The following DAB1 variants were observed in gnomAD, a reference collection of about 807,000 sequenced individuals.
DAB1 encodes the protein DAB adaptor protein 1, also known as disabled homolog 1.
In DAB1, 15 loss-of-function variants were observed where a neutral mutation model predicts 64.6. That is an observed-to-expected ratio of 0.23 (90% CI 0.16 to 0.36). DAB1 has a LOEUF of 0.36. Among genes scored for constraint, DAB1 ranks in the 10% least tolerant of loss-of-function variants. The pLI is 1.00. For missense variants in DAB1, 596 were observed against 706.7 expected, an observed-to-expected ratio of 0.84 and a Z score of 1.78; for synonymous variants, 235 against 251.9, an observed-to-expected ratio of 0.93 and a Z score of 0.64.
At chr1:58,420,358 C>T (rs1311251103) in intron 3 of DAB1, among the ~76,000 whole-genome samples, 1 of 152,180 alleles carries the variant, frequency 6.6e-6, no homozygotes, top group Admixed American at 6.5e-5. Flanking sequence ...AAAGATCTCC[C>T]AACCCAGACC....
intron 6 of DAB1, among the ~76,000 whole-genome samples, chr1:57,704,550 A>G (rs1449423174): frequency 1.3e-5 from 2 of 152,230 alleles, no homozygotes; most frequent in African/African-American, 4.8e-5. Flanking sequence ...GAACCTGGAT[A>G]GCTTCCATTT....
intron 1 of DAB1, among the ~76,000 whole-genome samples, chr1:57,856,150 G>C (rs563628010): frequency 2.0e-5 from 3 of 152,202 alleles, no homozygotes; most frequent in African/African-American, 7.2e-5. Context: ...CCCCTGGAGA[G>C]CCTAGAAAAG....
At chr1:58,413,386 G>T (rs1184686551) in intron 3 of DAB1, among the ~76,000 whole-genome samples, 1 of 152,160 alleles carries the variant, frequency 6.6e-6, no homozygotes. Context: ...TTTCTGACCA[G>T]AGAGAAACTG....
At chr1:57,280,673 C>A in intron 2 of DAB1, among the ~76,000 whole-genome samples, 1 of 152,290 alleles carries the variant, frequency 6.6e-6, no homozygotes. Context: ...GCTCTTACTA[C>A]CAATATGGCC....
chr1:57,028,783 T>G (rs1281492715), intron 9 of DAB1, among the ~76,000 whole-genome samples: 1 of 152,118 alleles, frequency 6.6e-6, no homozygotes, highest in East Asian at 1.9e-4. Flanking sequence ...TTGAGAGAGA[T>G]AATTTAGGGT....
rs188477821 is a variant in DAB1 at position 57,318,583 on chromosome 1, C to T, written c.-136-27417G>A. Among the ~76,000 whole-genome samples, 924 of 152,206 alleles carry T rather than the reference C, an allele frequency of 6.1e-3. 8 individuals are homozygous for T. Among genetic ancestry groups the T allele is most frequent in the African/African-American group, 0.022 (902 of 41,534 alleles). ...CTTGTAAAGAAGGTGCCTGCTTCCC[C>T]TTTGCCTCCCAAGGGAGATAAAAAA... On this transcript the variant is annotated intron_variant, in intron 1 of 14. Coordinates refer to ENST00000371236, the MANE Select transcript of DAB1 (RefSeq NM_001365792.1).
At chr1:57,652,223 T>G (rs1351654742) in intron 6 of DAB1, among the ~76,000 whole-genome samples, 24 of 152,208 alleles carry the variant, frequency 1.6e-4, no homozygotes. Flanking sequence ...TCAGGTTTTT[T>G]GCACGTCTGA....
intron 5 of DAB1, among the ~76,000 whole-genome samples, chr1:58,091,267 A>G (rs778001957): frequency 6.6e-6 from 1 of 152,104 alleles, no homozygotes; most frequent in Non-Finnish European, 1.5e-5. Flanking sequence ...AAAGATTCAG[A>G]GCCTATAAAA....
chr1:57,128,023 C>T lies in DAB1; in HGVS notation c.306+8520G>A, dbSNP rs369077964. On this transcript the variant is annotated intron_variant, in intron 4 of 14. Coordinates refer to ENST00000371236, the MANE Select transcript of DAB1 (RefSeq NM_001365792.1). ...ATTAGCCGGCATGGTGGGATGCGCC[C>T]GTAATCCCAGCTGCACAGGAGGCTG... 2.0e-4 allele frequency among the ~76,000 whole-genome samples: 31 copies of T among 151,854 alleles called. 1 individual carries two copies. The East Asian group carries it at 4.1e-3, about 20-fold the overall frequency.
At chr1:57,143,826 C>CT (rs147069646) in intron 3 of DAB1, among the ~76,000 whole-genome samples, 20,319 of 148,550 alleles carry the variant, frequency 0.14, 1,503 homozygotes, top group South Asian at 0.19. Context: ...ACCTAACAAG[C>CT]TTTTTTTTTT....
At chr1:57,237,093 C>G (rs1276296901) in intron 2 of DAB1, among the ~76,000 whole-genome samples, 1 of 152,156 alleles carries the variant, frequency 6.6e-6, no homozygotes, top group African/African-American at 2.4e-5. Flanking sequence ...ATTTTCTCCT[C>G]CCAAATGCTC....
intron 1 of DAB1, among the ~76,000 whole-genome samples, chr1:57,838,171 A>G (rs1652895458): frequency 6.6e-6 from 1 of 152,172 alleles, no homozygotes; most frequent in Admixed American, 6.5e-5. Flanking sequence ...AGGCCGCCTT[A>G]TCCCTGTGCC....
intron 3 of DAB1, among the ~76,000 whole-genome samples, chr1:58,351,767 G>A (rs1346151495): frequency 1.3e-5 from 2 of 150,674 alleles, no homozygotes; most frequent in Non-Finnish European, 3.0e-5. Flanking sequence ...ATTCCTGTAA[G>A]GTTAAAAGAT....
intron 7 of DAB1, among the ~76,000 whole-genome samples, chr1:57,615,597 C>G (rs562113969): frequency 6.6e-6 from 1 of 152,268 alleles, no homozygotes; most frequent in Admixed American, 6.5e-5. Context: ...ACTGACAACA[C>G]TGGGGGAAAT....
At chr1:57,306,513 C>CTTTTTT (rs1166241090) in intron 1 of DAB1, among the ~76,000 whole-genome samples, 3 of 114,324 alleles carry the variant, frequency 2.6e-5, no homozygotes, top group South Asian at 2.9e-4. Context: ...TTAGAACAGG[C>CTTTTTT]TTTTTTTTTT....
chr1:57,743,707 C>G (rs934221883), intron 6 of DAB1, among the ~76,000 whole-genome samples: 2 of 152,162 alleles, frequency 1.3e-5, no homozygotes, highest in Non-Finnish European at 2.9e-5. Flanking sequence ...GAGACCCTAA[C>G]CCAGCGGCGC....
chr1:57,709,730 G>A (rs1459670172), intron 6 of DAB1, among the ~76,000 whole-genome samples: 1 of 152,142 alleles, frequency 6.6e-6, no homozygotes, highest in Non-Finnish European at 1.5e-5. Flanking sequence ...TGGACCAGGT[G>A]TGCCATTTGC....
rs550867859 is a variant in DAB1, at chr1:57,223,002, T to C, written c.67+67962A>G. 9.2e-5 allele frequency among the ~76,000 whole-genome samples: 14 copies of C among 152,306 alleles called. No individual in the cohort carries two copies. In the South Asian group the frequency reaches 1.5e-3, roughly 16 times the overall value. On this transcript the variant is annotated intron_variant, in intron 2 of 14. Transcript: ENST00000371236. ...GGGTCATTAGGGCACCTTGCCTGGC[T>C]TCCCCATTGAGCCCTGCAGAGTTCC...
chr1:57,094,458 A>T (rs1239681962), intron 4 of DAB1, among the ~76,000 whole-genome samples: 1 of 152,182 alleles, frequency 6.6e-6, no homozygotes, highest in Non-Finnish European at 1.5e-5. Context: ...TGCTGAAAGC[A>T]TCTTCTAGTT....
Sources: allele counts gnomAD v4.1 joint callset (sites outside exome capture counted in the v4.1 genomes callset), GRCh38; gene constraint gnomAD v4.1.1; transcripts MANE v1.5; gene names NCBI Gene and HGNC (gene_info 2026-07-23, HGNC 2026-07-21).